DAB1: variants seen among roughly 807,000 people sequenced by gnomAD.
DAB1 encodes the protein disabled homolog 1.
A neutral mutation model predicts 64.6 loss-of-function variants in DAB1; 15 were observed. That is an observed-to-expected ratio of 0.23 (90% CI 0.16 to 0.36). DAB1 has a LOEUF of 0.36. DAB1 is among the 10% of genes least tolerant of loss of function. DAB1 has a pLI of 1.00. For synonymous variants in DAB1, 235 were observed against 251.9 expected (o/e 0.93, Z 0.64); for missense variants, 596 against 706.7 (o/e 0.84, Z 1.78).
At chr1:57,446,380 C>T (rs549136284) in intron 7 of DAB1, among the ~76,000 whole-genome samples, 7 of 152,060 alleles carry the variant, frequency 4.6e-5, no homozygotes, top group African/African-American at 1.4e-4. Context: ...GGCAGATCAC[C>T]TGAGGTCGGG....
intron 3 of DAB1, among the ~76,000 whole-genome samples, chr1:58,457,907 G>A (rs997014225): frequency 6.6e-6 from 1 of 152,176 alleles, no homozygotes; most frequent in African/African-American, 2.4e-5. Context: ...ACACATCAAC[G>A]CTCTGCCTGG....
intron 3 of DAB1, among the ~76,000 whole-genome samples, chr1:58,402,813 T>C (rs1388323989): frequency 6.6e-6 from 1 of 152,210 alleles, no homozygotes; most frequent in African/African-American, 2.4e-5. Flanking sequence ...GTTTATATTC[T>C]AGTAAAGGAG....
chr1:58,061,416 T>C lies in DAB1; in HGVS notation n.387+89095A>G, dbSNP rs1232306590. 2.6e-5 allele frequency among the ~76,000 whole-genome samples: 4 copies of C among 152,340 alleles called. No homozygotes were observed. The East Asian group carries it at 5.8e-4, about 22-fold the overall frequency. ...ATGAATCCGTTCCAGGCTTCTCCTC[T>C]AGCTTCTTACAGTTTTCTGGTGACC... On this transcript the variant is annotated intron_variant and non_coding_transcript_variant, in intron 5 of 20. Transcript: ENST00000485760.
At chr1:57,363,847 G>C (rs1478022600) in intron 1 of DAB1, among the ~76,000 whole-genome samples, 1 of 152,152 alleles carries the variant, frequency 6.6e-6, no homozygotes, top group Non-Finnish European at 1.5e-5. Context: ...CACTGCACCA[G>C]CTGCTCAGAA....
At position 57,211,714 on chromosome 1, in the gene DAB1, C is replaced by T. The variant is rs547522219; in HGVS notation, c.68-66285G>A. ...CAGCCCTCTGTAATCACAGGTACCACATCTGAGGATTCAACCAAATGTAGA... is the reference window on the plus strand; with the variant it reads ...CAGCCCTCTGTAATCACAGGTACCATATCTGAGGATTCAACCAAATGTAGA... On this transcript the variant is annotated intron_variant, in intron 2 of 14. Transcript: ENST00000371236. Among the ~76,000 whole-genome samples, 11 of 152,280 alleles carry T rather than the reference C, an allele frequency of 7.2e-5. No individual in the cohort carries two copies. The South Asian group carries it at 1.7e-3, about 23-fold the overall frequency.
At chr1:57,110,565 G>A (rs1487760452) in intron 4 of DAB1, among the ~76,000 whole-genome samples, 2 of 152,284 alleles carry the variant, frequency 1.3e-5, no homozygotes, top group South Asian at 2.1e-4. Context: ...TTCACTCAAC[G>A]TATTTAGTGA....
chr1:57,079,875 G>A (rs1338776529), intron 4 of DAB1, among the ~76,000 whole-genome samples: 3 of 152,050 alleles, frequency 2.0e-5, no homozygotes, highest in Non-Finnish European at 4.4e-5. Flanking sequence ...CTACTTCCTC[G>A]ACTTTTCCAC....
chr1:57,746,693 T>G (rs61768386), intron 6 of DAB1, among the ~76,000 whole-genome samples: 2 of 152,216 alleles, frequency 1.3e-5, no homozygotes, highest in Non-Finnish European at 2.9e-5. Context: ...ATCTCTAGAT[T>G]ACTTATAAGA....
chr1:58,535,773 A>G (rs1172358428), intron 1 of DAB1, among the ~76,000 whole-genome samples: 1 of 152,056 alleles, frequency 6.6e-6, no homozygotes, highest in Non-Finnish European at 1.5e-5. Context: ...ATGTTTAACT[A>G]CCTGAGTTAC....
chr1:58,151,096 T>C (rs183751477), intron 4 of DAB1, among the ~76,000 whole-genome samples: 1 of 152,374 alleles, frequency 6.6e-6, no homozygotes, highest in Non-Finnish European at 1.5e-5. Context: ...CTATCATTGA[T>C]GGACATTTGG....
At chr1:57,495,264 C>A (rs912843968) in intron 7 of DAB1, among the ~76,000 whole-genome samples, 4 of 152,150 alleles carry the variant, frequency 2.6e-5, no homozygotes, top group Non-Finnish European at 5.9e-5. Context: ...TTATGTACCA[C>A]CAGGACAAAA....
chr1:58,536,785 C>A, intron 1 of DAB1: 1 of 840,506 alleles, frequency 1.2e-6, no homozygotes, highest in South Asian at 1.4e-5. Context: ...ATCATTCCAG[C>A]ACATATCACT....
chr1:57,283,304 T>C (rs914453952), intron 2 of DAB1, among the ~76,000 whole-genome samples: 4 of 152,212 alleles, frequency 2.6e-5, no homozygotes, highest in Non-Finnish European at 5.9e-5. Context: ...AGTATCCATT[T>C]GAAGAGGGAC....
At chr1:57,345,902 C>T (rs1254820894) in intron 1 of DAB1, among the ~76,000 whole-genome samples, 2 of 152,134 alleles carry the variant, frequency 1.3e-5, no homozygotes, top group Non-Finnish European at 2.9e-5. Flanking sequence ...GTACAACATA[C>T]AAAACAGAAG....
rs553764531 is a variant in DAB1, at chr1:57,471,675, C to T, written n.625+177917G>A. Among the ~76,000 whole-genome samples the T allele has an allele frequency of 9.2e-5, 14 of 152,310 alleles. No individual in the cohort carries two copies. The South Asian group carries it at 1.9e-3, about 20-fold the overall frequency. ...CTTGTCTGCCGCCATGTAAGACATA[C>T]CTTTCACCTTCTGCCATAATTGTGA... is the stretch of plus-strand genomic sequence containing the variant. On this transcript the variant is annotated intron_variant and non_coding_transcript_variant, in intron 7 of 20. Transcript: ENST00000485760.
chr1:58,436,943 C>T (rs970232437), intron 3 of DAB1, among the ~76,000 whole-genome samples: 4 of 152,220 alleles, frequency 2.6e-5, no homozygotes, highest in African/African-American at 9.6e-5. Context: ...TTCCATTTGT[C>T]ACCTAAACAT....
intron 3 of DAB1, among the ~76,000 whole-genome samples, chr1:58,347,527 C>G (rs1373605554): frequency 6.6e-6 from 1 of 152,182 alleles, no homozygotes; most frequent in African/African-American, 2.4e-5. Context: ...AAAGACAATC[C>G]TTGGAGGTTT....
At chr1:58,290,088 T>C (rs910398500) in intron 4 of DAB1, among the ~76,000 whole-genome samples, 4 of 152,176 alleles carry the variant, frequency 2.6e-5, no homozygotes, top group Non-Finnish European at 4.4e-5. Flanking sequence ...TGTATTGTGC[T>C]AGAGATAATG....
At chr1:57,199,499 AAAT>A (rs1158524160) in intron 2 of DAB1, among the ~76,000 whole-genome samples, 3 of 152,154 alleles carry the variant, frequency 2.0e-5, no homozygotes, top group Non-Finnish European at 4.4e-5. Context: ...ACACTGGGGG[AAAT>A]GTAACCATAG....
Sources: gnomAD v4.1 joint callset for allele counts (sites outside exome capture counted in the v4.1 genomes callset) on GRCh38, gnomAD v4.1.1 for gene constraint, MANE v1.5 for transcripts, NCBI Gene and HGNC (gene_info 2026-07-23, HGNC 2026-07-21) for gene names.